The following PRUNE2 variants were observed in gnomAD, a reference collection of about 807,000 sequenced individuals.
PRUNE2 encodes prune homolog 2 with BCH domain.
Under a neutral mutation model 252.0 loss-of-function variants are expected in PRUNE2, and 164 were observed. The ratio of observed to expected loss-of-function variants is 0.65; its 90% CI spans 0.57 to 0.74. The LOEUF (loss-of-function observed/expected upper bound fraction) is 0.74. PRUNE2 is among the 30% of genes least tolerant of loss of function. PRUNE2 has a pLI of 0.00. For missense variants in PRUNE2, 3,495 were observed against 3,711.0 expected, an observed-to-expected ratio of 0.94 and a Z score of 1.51; for synonymous variants, 1,292 against 1,350.2, an observed-to-expected ratio of 0.96 and a Z score of 0.94.
chr9:76,794,000 T>G (rs1427268429), intron 6 of PRUNE2, among the ~76,000 whole-genome samples: 1 of 152,242 alleles, frequency 6.6e-6, no homozygotes, highest in African/African-American at 2.4e-5. Flanking sequence ...CAGATATCCC[T>G]TTGTTTCTTA....
intron 9 of PRUNE2, among the ~76,000 whole-genome samples, chr9:76,691,729 G>C (rs2044752826): frequency 6.6e-6 from 1 of 152,092 alleles, no homozygotes. Flanking sequence ...TTTCAAATCT[G>C]TCACTTCCTT....
In PRUNE2 at chr9:76,709,981, A is replaced by C. The variant is rs1346581877; in HGVS notation, c.2293T>G (p.Phe765Val). The C allele has an allele frequency of 6.2e-7, 1 of 1,613,774 alleles. No homozygotes were observed. Residue 765 changes from phenylalanine (F) to valine (V), a missense_variant, in exon 8 of 19, where the codon TTT (phenylalanine) becomes GTT (valine). By Grantham distance (50) the Phe-to-Val change is conservative. Transcript: ENST00000376718. ...CGACCAGAATGCCACAAAGAAGCAAAGTCTTCTATCAGGTGGTTTGTTCCT... is the reference window on the plus strand; with the variant it reads ...CGACCAGAATGCCACAAAGAAGCAACGTCTTCTATCAGGTGGTTTGTTCCT... Reference protein sequence around the residue: ...PQGTNHLIEDFASLWHSGRSP... With the variant: ...PQGTNHLIEDVASLWHSGRSP...
intron 6 of PRUNE2, among the ~76,000 whole-genome samples, chr9:76,794,539 T>G (rs1013821290): frequency 6.8e-6 from 1 of 147,030 alleles, no homozygotes; most frequent in Admixed American, 7.0e-5. Context: ...CGCTTGAATC[T>G]CGGAGGCAGA....
intron 6 of PRUNE2, among the ~76,000 whole-genome samples, chr9:76,730,711 C>T (rs1038488927): frequency 6.6e-6 from 1 of 152,124 alleles, no homozygotes; most frequent in Non-Finnish European, 1.5e-5. Flanking sequence ...ACCAGCCTGA[C>T]CAATATGGTG....
At chr9:76,862,148 G>C (rs574840615) in intron 1 of PRUNE2, 1 of 152,552 alleles carries the variant, frequency 6.6e-6, no homozygotes, top group African/African-American at 2.4e-5. Context: ...GCCAGGCACG[G>C]TGGCTCACGC....
intron 6 of PRUNE2, among the ~76,000 whole-genome samples, chr9:76,810,430 T>A (rs1309825594): frequency 6.6e-6 from 1 of 152,236 alleles, no homozygotes; most frequent in Non-Finnish European, 1.5e-5. Flanking sequence ...ACTAGCACCA[T>A]GCTATGAATA....
intron 1 of PRUNE2, among the ~76,000 whole-genome samples, chr9:76,899,983 G>A (rs1341932639): frequency 6.6e-6 from 1 of 152,184 alleles, no homozygotes; most frequent in Non-Finnish European, 1.5e-5. Flanking sequence ...TAGGAAAGGT[G>A]TGAAAGATGC....
intron 6 of PRUNE2, among the ~76,000 whole-genome samples, chr9:76,747,214 TGTG>T (rs886935993): frequency 2.6e-5 from 4 of 152,280 alleles, no homozygotes; most frequent in Admixed American, 1.3e-4. Flanking sequence ...TCAGAGGTGT[TGTG>T]GTGTCTAAGA....
Position 76,705,829 on chromosome 9 carries a change from G to T in PRUNE2, c.6445C>A (p.Pro2149Thr). The T allele has an allele frequency of 6.2e-7, 1 of 1,613,510 alleles. No individual in the cohort carries two copies. Among genetic ancestry groups the T allele is most frequent in the Non-Finnish European group, 8.5e-7 (1 of 1,179,872 alleles). ...PEIDEEPIYEPGREFVPSNAE... is the reference protein window; with the variant it reads ...PEIDEEPIYETGREFVPSNAE... ...TTGGATGGGACAAACTCCCGTCCAG[G>T]CTCATAAATGGGTTCTTCATCTATC... Residue 2149 changes from proline to threonine, a missense_variant, in exon 8 of 19, where the codon CCT (proline) becomes ACT (threonine). Pro to Thr is a conservative substitution (Grantham distance 38). Coordinates refer to ENST00000376718, the MANE Select transcript of PRUNE2 (RefSeq NM_015225.3).
chr9:76,616,444 C>T (rs1325398838), intron 18 of PRUNE2, among the ~76,000 whole-genome samples: 1 of 152,130 alleles, frequency 6.6e-6, no homozygotes, highest in Non-Finnish European at 1.5e-5. Flanking sequence ...AAATTTGGGG[C>T]ACATCGTCTA....
At chr9:76,668,462 C>G (rs2040639591) in intron 9 of PRUNE2, among the ~76,000 whole-genome samples, 2 of 152,210 alleles carry the variant, frequency 1.3e-5, no homozygotes, top group Admixed American at 1.3e-4. Context: ...CTCCTTCACT[C>G]TCCTACCTGG....
chr9:76,801,663 T>C (rs774054443), intron 6 of PRUNE2, among the ~76,000 whole-genome samples: 19 of 152,184 alleles, frequency 1.2e-4, no homozygotes, highest in Non-Finnish European at 2.4e-4. Flanking sequence ...AGCGACTACC[T>C]TGTGGATATA....
intron 10 of PRUNE2, among the ~76,000 whole-genome samples, chr9:76,653,248 A>ATAGT: frequency 6.6e-6 from 1 of 152,290 alleles, no homozygotes; most frequent in Non-Finnish European, 1.5e-5. Flanking sequence ...CATAAGAAAA[A>ATAGT]TAGTTAAGTT....
At chr9:76,712,834 G>A (rs1413478549) in intron 7 of PRUNE2, among the ~76,000 whole-genome samples, 1 of 152,158 alleles carries the variant, frequency 6.6e-6, no homozygotes, top group East Asian at 1.9e-4. Context: ...GGTCAAGAGA[G>A]CTACAGTGGA....
chr9:76,821,414 A>C (rs111796745), intron 6 of PRUNE2, among the ~76,000 whole-genome samples: 5 of 152,262 alleles, frequency 3.3e-5, no homozygotes, highest in African/African-American at 1.2e-4. Flanking sequence ...GATTGGGAAA[A>C]TACCACTGCA....
At chr9:76,724,238 C>G (rs1460824246) in intron 6 of PRUNE2, among the ~76,000 whole-genome samples, 1 of 144,448 alleles carries the variant, frequency 6.9e-6, no homozygotes, top group Non-Finnish European at 1.5e-5. Context: ...GCGGGCAGAT[C>G]ACTTGAGCTC....
intron 15 of PRUNE2, among the ~76,000 whole-genome samples, chr9:76,629,703 G>T (rs1404262962): frequency 6.6e-6 from 1 of 151,766 alleles, no homozygotes; most frequent in African/African-American, 2.4e-5. Context: ...TAGGGCTCTG[G>T]AACTTATGCC....
chr9:76,739,536 A>C (rs1392112318), intron 6 of PRUNE2: 1 of 151,976 alleles, frequency 6.6e-6, no homozygotes, highest in Non-Finnish European at 1.5e-5. Flanking sequence ...TTTGTTACTG[A>C]ATTTTTTTTT....
intron 6 of PRUNE2, among the ~76,000 whole-genome samples, chr9:76,754,158 A>G (rs914811451): frequency 2.6e-5 from 4 of 152,204 alleles, no homozygotes; most frequent in Non-Finnish European, 5.9e-5. Flanking sequence ...AAAAATAAAA[A>G]AAATAGCCCT....
Sources: gnomAD v4.1 joint callset for allele counts (sites outside exome capture counted in the v4.1 genomes callset) on GRCh38, gnomAD v4.1.1 for gene constraint, MANE v1.5 for transcripts, NCBI Gene and HGNC (gene_info 2026-07-23, HGNC 2026-07-21) for gene names.